The following SYNPO variants were observed in gnomAD, a reference collection of about 807,000 sequenced individuals.
The protein encoded by SYNPO is synaptopodin.
SYNPO carries 19 observed loss-of-function variants against 49.5 expected under a neutral mutation model. That is an observed-to-expected ratio of 0.38 (90% confidence interval 0.27 to 0.56). The LOEUF (loss-of-function observed/expected upper bound fraction) is 0.56. SYNPO is among the 20% of genes least tolerant of loss of function. The pLI, the probability that SYNPO is intolerant of heterozygous loss-of-function variation, is 0.68. For missense variants in SYNPO, 1,131 were observed against 1,248.3 expected, an observed-to-expected ratio of 0.91 and a Z score of 1.42; for synonymous variants, 536 against 548.0, an observed-to-expected ratio of 0.98 and a Z score of 0.31.
At chr5:150,598,055 T>C (rs1258560091), upstream of SYNPO, among the ~76,000 whole-genome samples, 1 of 152,044 alleles carries the variant, frequency 6.6e-6, no homozygotes, top group Non-Finnish European at 1.5e-5. Context: ...CTCACACTCC[T>C]CAGTAGTGGG....
At chr5:150,651,869 C>T (rs1415611462) in intron 2 of SYNPO, 6 of 1,000,322 alleles carry the variant, frequency 6.0e-6, no homozygotes, top group Non-Finnish European at 7.2e-6. Context: ...ATACAGCCCC[C>T]GACCAAACCA....
intron 1 of SYNPO, among the ~76,000 whole-genome samples, chr5:150,606,660 G>A (rs1484678987): frequency 6.6e-6 from 1 of 152,230 alleles, no homozygotes; most frequent in African/African-American, 2.4e-5. Flanking sequence ...CTTTTCTCAG[G>A]TCCAGGGAGG....
chr5:150,611,810 C>T (rs946057002), intron 1 of SYNPO, among the ~76,000 whole-genome samples: 2 of 152,204 alleles, frequency 1.3e-5, no homozygotes, highest in African/African-American at 4.8e-5. Flanking sequence ...CTGGAAAACA[C>T]TGGAAATGGG....
chr5:150,593,756 G>A, the SYNPO span, among the ~76,000 whole-genome samples: 5 of 152,298 alleles, frequency 3.3e-5, no homozygotes, highest in Non-Finnish European at 7.4e-5. Context: ...CACCACGCCC[G>A]GGGTGTGGCC....
intron 1 of SYNPO, among the ~76,000 whole-genome samples, chr5:150,643,567 C>G (rs1190794983): frequency 6.6e-6 from 1 of 152,174 alleles, no homozygotes; most frequent in Non-Finnish European, 1.5e-5. Flanking sequence ...TGGAATGTCG[C>G]TCTGTTGCCC....
upstream of SYNPO, chr5:150,640,025 C>A: frequency 1.6e-6 from 1 of 619,756 alleles, no homozygotes. Context: ...CAAGTTGCTG[C>A]ACCCCTCTGA....
rs1442493123 is a variant in SYNPO at position 150,648,289 on chromosome 5, CAGA to C, written c.15_17del (p.Glu7del). 1.2e-6 allele frequency: 2 copies of C among 1,614,074 alleles called. No individual in the cohort carries two copies. The highest frequency in any genetic ancestry group is 1.7e-6 in the Non-Finnish European group (2 of 1,180,044). The stretch of plus-strand genomic sequence containing the variant: ...CCTGGCCACAGCATGGAGGGGTACT[CAGA>C]GGAGGCTAGCTTGCTGCGGCACCTG... On this transcript the variant is annotated inframe_deletion, in exon 2 of 3. Transcript: ENST00000307662. The surrounding 1 kb of genome is among the most constrained non-coding windows in gnomAD (Gnocchi z 5.0).
intron 2 of SYNPO, among the ~76,000 whole-genome samples, chr5:150,632,700 ACG>A (rs1757581819): frequency 6.6e-6 from 1 of 152,114 alleles, no homozygotes; most frequent in African/African-American, 2.4e-5. Flanking sequence ...TAGCCCAGTG[ACG>A]TCTTTCCCTG....
At chr5:150,614,209 G>C (rs747584822) in intron 1 of SYNPO, among the ~76,000 whole-genome samples, 6 of 152,198 alleles carry the variant, frequency 3.9e-5, no homozygotes, top group African/African-American at 7.2e-5. Context: ...AGCTCAGAAA[G>C]ATAAGAGACA....
At position 150,648,773 on chromosome 5, in the gene SYNPO, C is replaced by A. The variant is rs1304117648; in HGVS notation, c.498C>A (p.Thr166=). 20 of 1,614,126 alleles carry A rather than the reference C, an allele frequency of 1.2e-5. No individual in the cohort carries two copies. The highest frequency in any genetic ancestry group is 6.8e-6 in the Non-Finnish European group (8 of 1,180,050). The part of the protein sequence containing the change: ...LIDKVSTPAT[T]TSTFSREATL... ...ACAAGGTATCAACTCCAGCTACCAC[C>A]ACCAGCACCTTCTCCAGAGAAGCTA... Residue 166 remains threonine (T), a synonymous_variant, in exon 2 of 3, where the codon ACC becomes ACA. Transcript: ENST00000307662. The surrounding 1 kb of genome is among the most constrained non-coding windows in gnomAD (Gnocchi z 5.0).
intron 1 of SYNPO, among the ~76,000 whole-genome samples, chr5:150,642,190 G>A (rs545045978): frequency 2.0e-5 from 3 of 152,354 alleles, no homozygotes; most frequent in Non-Finnish European, 4.4e-5. Context: ...GACAGCAGTC[G>A]TTGCAAAGCC....
intron 2 of SYNPO, chr5:150,650,647 AT>A: frequency 7.0e-7 from 1 of 1,433,728 alleles, no homozygotes; most frequent in Non-Finnish European, 9.2e-7. Flanking sequence ...AGCTGTAGGG[AT>A]GCAGAGTCTG....
chr5:150,601,013 T>A (rs1561628448), upstream of SYNPO: 1 of 151,950 alleles, frequency 6.6e-6, no homozygotes. Flanking sequence ...ACACGCCCCC[T>A]CCCCTCCCTC....
upstream of SYNPO, among the ~76,000 whole-genome samples, chr5:150,597,399 T>G (rs1756444460): frequency 6.6e-6 from 1 of 152,222 alleles, no homozygotes; most frequent in Admixed American, 6.5e-5. Flanking sequence ...TGGTGCAATC[T>G]CGGCTCACCG....
At chr5:150,619,255 G>A (rs891005996) in intron 2 of SYNPO, among the ~76,000 whole-genome samples, 1 of 152,130 alleles carries the variant, frequency 6.6e-6, no homozygotes, top group African/African-American at 2.4e-5. Context: ...GCCTTTGATA[G>A]AATTTGACCC....
At chr5:150,589,059 A>G in the SYNPO span, among the ~76,000 whole-genome samples, 1 of 122,222 alleles carries the variant, frequency 8.2e-6, no homozygotes, top group Admixed American at 7.9e-5. Flanking sequence ...TGTATGCTTT[A>G]TAGATTTTTT....
In SYNPO at chr5:150,625,105, G is replaced by T. The variant is rs183204354; in HGVS notation, c.400+6338G>T. ...CATCTGTAGGTGGGGGGCTGGAGGG[G>T]TATCGAGGCTTTCGAGCAGCTGAGG... On this transcript the variant is annotated intron_variant, in intron 2 of 2. Coordinates refer to the SYNPO transcript ENST00000394243. Among the ~76,000 whole-genome samples, 1,080 of 152,340 alleles carry T rather than the reference G, an allele frequency of 7.1e-3. 4 individuals are homozygous for T. The highest frequency in any genetic ancestry group is 0.01 in the Non-Finnish European group (685 of 68,020).
In SYNPO at chr5:150,648,992, G is replaced by A. The variant is rs763917202; in HGVS notation, c.717G>A (p.Thr239=). The change falls in exon 2 of 3, where the codon ACG becomes ACA. Residue 239 remains threonine, a synonymous_variant. Transcript: ENST00000307662. This position sits in a 1 kb window ranked among gnomAD's most constrained non-coding sequence, Gnocchi z 5.0. The part of the protein sequence containing the change: ...LAKPPSVVNR[T]ARPFGIQAPG... ...AGCCCCCATCAGTGGTCAACAGGAC[G>A]GCCAGGCCTTTTGGGATCCAGGCGC... 9 of 1,614,236 alleles carry A rather than the reference G, an allele frequency of 5.6e-6. No homozygotes were observed. Among genetic ancestry groups the A allele is most frequent in the South Asian group, 4.4e-5 (4 of 91,086 alleles).
chr5:150,593,439 T>C, the SYNPO span, among the ~76,000 whole-genome samples: 1 of 152,232 alleles, frequency 6.6e-6, no homozygotes, highest in South Asian at 2.1e-4. Context: ...CTATTTTATA[T>C]ATTCCAGAAG....
Sources: allele counts gnomAD v4.1 joint callset (sites outside exome capture counted in the v4.1 genomes callset), GRCh38; gene constraint gnomAD v4.1.1; non-coding constraint Gnocchi (gnomAD v3.1); transcripts MANE v1.5; gene names NCBI Gene and HGNC (gene_info 2026-07-23, HGNC 2026-07-21).